SLC17A1: variants seen among roughly 807,000 people sequenced by gnomAD.
SLC17A1 encodes solute carrier family 17 member 1, also known as sodium-dependent phosphate transport protein 1.
In SLC17A1, 51 loss-of-function variants were observed where a neutral mutation model predicts 53.5. The ratio of observed to expected loss-of-function variants is 0.95; its 90% confidence interval spans 0.76 to 1.20. SLC17A1 has a LOEUF of 1.20. SLC17A1 is among the 50% of genes most tolerant of loss of function. The pLI is 0.00. For synonymous variants in SLC17A1, 179 were observed against 198.8 expected, an observed-to-expected ratio of 0.90 and a Z score of 0.84; for missense variants, 538 against 568.2, an observed-to-expected ratio of 0.95 and a Z score of 0.54.
chr6:25,772,825 A>C, the SLC17A1 span, among the ~76,000 whole-genome samples: 14 of 152,272 alleles, frequency 9.2e-5, no homozygotes. Flanking sequence ...ACTAACTTGT[A>C]AGGGTGCTAT....
chr6:25,792,824 T>C (rs1303727763), intron 12 of SLC17A1, among the ~76,000 whole-genome samples: 2 of 152,148 alleles, frequency 1.3e-5, no homozygotes, highest in African/African-American at 4.8e-5. Context: ...TGAATCTGGC[T>C]GCTTCTCACC....
At chr6:25,808,371 T>TA (rs1011350852) in intron 10 of SLC17A1, among the ~76,000 whole-genome samples, 9 of 151,452 alleles carry the variant, frequency 5.9e-5, no homozygotes, top group African/African-American at 9.7e-5. Context: ...GGGCAAGGGA[T>TA]AAAAAAAACC....
rs74779216 is a variant in SLC17A1 at position 25,816,260 on chromosome 6, T to A, written c.616+2808A>T. 7.9e-3 allele frequency among the ~76,000 whole-genome samples: 1,207 copies of A among 152,354 alleles called. 26 individuals carry two copies. The highest frequency in any genetic ancestry group is 0.069 in the East Asian group (357 of 5,190). ...GACCCATTCCCACCTCACTAGGTAC[T>A]TTGAATGGATATATGTGGAAACTCT... On this transcript the variant is annotated intron_variant, in intron 6 of 12. Coordinates refer to ENST00000244527, the MANE Select transcript of SLC17A1 (RefSeq NM_005074.5).
the SLC17A1 span, among the ~76,000 whole-genome samples, chr6:25,725,588 ATAAC>A: frequency 6.6e-6 from 1 of 152,126 alleles, no homozygotes; most frequent in Non-Finnish European, 1.5e-5. Context: ...AACCCTTAAC[ATAAC>A]TAACATACAT....
Position 25,789,022 on chromosome 6 carries a change from T to G in SLC17A1, c.*3-5804A>C, listed in dbSNP as rs935075837. 3.9e-5 allele frequency among the ~76,000 whole-genome samples: 6 copies of G among 152,296 alleles called. No individual in the cohort carries two copies. In the East Asian group the frequency reaches 1.2e-3, roughly 29 times the overall value. The stretch of plus-strand genomic sequence containing the variant: ...AGATAGATATGTATGTATACACATA[T>G]AGTCCCTAACTTTGTCTACCTAGCA... On this transcript the variant is annotated intron_variant, in intron 12 of 12. Coordinates refer to ENST00000244527, the MANE Select transcript of SLC17A1 (RefSeq NM_005074.5).
chr6:25,740,846 T>TA, the SLC17A1 span, among the ~76,000 whole-genome samples: 1 of 152,170 alleles, frequency 6.6e-6, no homozygotes, highest in South Asian at 2.1e-4. Context: ...TATTCAGCCT[T>TA]AAAAAAGGAA....
the SLC17A1 span, among the ~76,000 whole-genome samples, chr6:25,765,126 G>A: frequency 2.0e-5 from 3 of 152,190 alleles, no homozygotes; most frequent in African/African-American, 7.2e-5. Flanking sequence ...CAAGGCTGTA[G>A]GGGTGGACTA....
downstream of SLC17A1, chr6:25,780,990 ACT>A (rs1178984676): frequency 2.0e-5 from 3 of 152,020 alleles, no homozygotes; most frequent in Admixed American, 2.0e-4. Context: ...TGGACACATG[ACT>A]CTGGATTTCT....
At chr6:25,743,451 A>G in the SLC17A1 span, among the ~76,000 whole-genome samples, 35 of 152,332 alleles carry the variant, frequency 2.3e-4, no homozygotes, top group African/African-American at 8.4e-4. Context: ...GGTTTTATAA[A>G]CCAATTCAAA....
At chr6:25,732,632 G>A in the SLC17A1 span, 1 of 1,203,520 alleles carries the variant, frequency 8.3e-7, no homozygotes, top group Non-Finnish European at 1.2e-6. Context: ...TGGAGTTGGC[G>A]GGCAACGCCG....
At chr6:25,773,770 C>A in the SLC17A1 span, 3 of 1,376,128 alleles carry the variant, frequency 2.2e-6, no homozygotes, top group Non-Finnish European at 3.0e-6. Context: ...GTCACAAAAT[C>A]GGGGGATTAG....
the SLC17A1 span, among the ~76,000 whole-genome samples, chr6:25,755,817 A>T: frequency 3.9e-5 from 6 of 152,186 alleles, no homozygotes; most frequent in African/African-American, 1.4e-4. Context: ...TTTCCTCTGG[A>T]ACCTGTTGCC....
the SLC17A1 span, chr6:25,731,723 T>G: frequency 8.4e-7 from 1 of 1,197,122 alleles, no homozygotes; most frequent in Non-Finnish European, 1.2e-6. Context: ...ATTAGAAACT[T>G]TCATTGGCTC....
intron 3 of SLC17A1, among the ~76,000 whole-genome samples, chr6:25,821,538 T>C (rs1324847515): frequency 6.6e-6 from 1 of 152,214 alleles, no homozygotes; most frequent in Non-Finnish European, 1.5e-5. Context: ...AAGTCAATAT[T>C]CACCCTTACC....
rs763799283 is a variant in SLC17A1, at chr6:25,811,518, AC to A, written c.1057del (p.Val353SerfsTer6). ...GGTGGAACTCAGGTAAGGCAGGCAG[AC>A]ACCAAAGATTGCAGGAAGGAGAAAT... ...AGFLLPAIFG[V>X]CLPYLSSTFY... On this transcript the variant is annotated frameshift_variant, in exon 10 of 13. Coordinates refer to ENST00000244527, the MANE Select transcript of SLC17A1 (RefSeq NM_005074.5). LOFTEE classifies it high-confidence loss of function. The A allele has an allele frequency of 6.2e-7, 1 of 1,614,006 alleles. No individual in the cohort carries two copies. Among genetic ancestry groups the A allele is most frequent in the South Asian group, 1.1e-5 (1 of 91,074 alleles).
the SLC17A1 span, among the ~76,000 whole-genome samples, chr6:25,728,144 A>G: frequency 2.6e-5 from 4 of 152,202 alleles, no homozygotes; most frequent in African/African-American, 4.8e-5. Context: ...TTATGATCCC[A>G]AATTTTAAGA....
At chr6:25,750,633 CAGAGAGAGAG>C in the SLC17A1 span, among the ~76,000 whole-genome samples, 2 of 145,684 alleles carry the variant, frequency 1.4e-5, no homozygotes, top group African/African-American at 2.6e-5. Flanking sequence ...TAACCCATGT[CAGAGAGAGAG>C]AGAGAGAGAG....
In SLC17A1 at chr6:25,813,209, A is replaced by G. The variant is rs1764222112; in HGVS notation, c.621T>C (p.Ala207=). ...GWPMVFYIFG[A]CGCAVCLLWF... ...AGAGAAGACATACGGCACAGCCACA[A>G]GCACCTATCAAAGCAGGGTAAGTTA... The change falls in exon 7 of 13, where the codon GCT becomes GCC. Residue 207 remains alanine (A), a synonymous_variant. Transcript: ENST00000244527. 2 of 1,613,412 alleles carry G rather than the reference A, an allele frequency of 1.2e-6. No individual in the cohort carries two copies. Among genetic ancestry groups the G allele is most frequent in the African/African-American group, 1.3e-5 (1 of 75,048 alleles).
chr6:25,749,053 A>G, the SLC17A1 span, among the ~76,000 whole-genome samples: 1 of 152,090 alleles, frequency 6.6e-6, no homozygotes, highest in South Asian at 2.1e-4. Flanking sequence ...CCTCCTCAGC[A>G]CAGACCCTTC....
Sources: allele counts gnomAD v4.1 joint callset (sites outside exome capture counted in the v4.1 genomes callset), GRCh38; gene constraint gnomAD v4.1.1; transcripts MANE v1.5; gene names NCBI Gene and HGNC (gene_info 2026-07-23, HGNC 2026-07-21).